Variants in GLRB observed in about 807,000 individuals in gnomAD.
GLRB encodes glycine receptor beta.
Under a neutral mutation model 54.2 loss-of-function variants are expected in GLRB, and 33 were observed. That is an observed-to-expected ratio of 0.61 (90% CI 0.46 to 0.81). The LOEUF is 0.81. Among genes scored for constraint, GLRB ranks in the 40% least tolerant of loss-of-function variants. The pLI is 0.00. For synonymous variants in GLRB, 209 were observed against 208.2 expected (o/e 1.00, Z -0.03); for missense variants, 572 against 584.6 (o/e 0.98, Z 0.22).
chr4:157,095,058 C>T (rs1054410762), intron 2 of GLRB, among the ~76,000 whole-genome samples: 4 of 152,132 alleles, frequency 2.6e-5, no homozygotes, highest in Non-Finnish European at 4.4e-5. Flanking sequence ...TTTGGTCGTG[C>T]TGATCTACAT....
intron 8 of GLRB, among the ~76,000 whole-genome samples, chr4:157,146,671 T>A (rs1736824089): frequency 6.6e-6 from 1 of 151,750 alleles, no homozygotes; most frequent in African/African-American, 2.4e-5. Flanking sequence ...ATGCAAAAAA[T>A]TAGCCAGGCA....
intron 2 of GLRB, among the ~76,000 whole-genome samples, chr4:157,086,188 T>C (rs1190335620): frequency 6.6e-6 from 1 of 152,334 alleles, no homozygotes; most frequent in South Asian, 2.1e-4. Context: ...CTTGCTATTA[T>C]GTATGCTTGG....
intron 2 of GLRB, among the ~76,000 whole-genome samples, chr4:157,092,722 C>T (rs1579189983): frequency 6.6e-6 from 1 of 152,144 alleles, no homozygotes; most frequent in Non-Finnish European, 1.5e-5. Context: ...ATCTGTACTG[C>T]AAGCAGCATC....
chr4:157,167,485 A>G (rs1737754662), intron 9 of GLRB, among the ~76,000 whole-genome samples: 1 of 152,144 alleles, frequency 6.6e-6, no homozygotes, highest in Admixed American at 6.5e-5. Context: ...GTGCACATGC[A>G]TGCATGCCTG....
intron 2 of GLRB, among the ~76,000 whole-genome samples, chr4:157,082,127 G>A (rs553654934): frequency 3.0e-4 from 46 of 152,078 alleles, no homozygotes; most frequent in African/African-American, 1.1e-3. Context: ...TGATTTCTAT[G>A]TCTGTGTATA....
chr4:157,143,812 T>C lies in GLRB; in HGVS notation c.757T>C (p.Tyr253His). Residue 253 changes from tyrosine (Y) to histidine (H), a missense_variant, in exon 8 of 10, where the codon TAC (tyrosine) becomes CAC (histidine). Coordinates refer to ENST00000264428, the MANE Select transcript of GLRB (RefSeq NM_000824.5). ...CTKYYKGTGYYTCVEVIFTLR... is the reference protein window; with the variant it reads ...CTKYYKGTGYHTCVEVIFTLR... ...AATGTGTTTGCTTCTGAAAGGCTAC[T>C]ACACATGCGTGGAAGTCATCTTCAC... The C allele has an allele frequency of 6.2e-7, 1 of 1,613,126 alleles. No homozygotes were observed. Among genetic ancestry groups the C allele is most frequent in the Non-Finnish European group, 8.5e-7 (1 of 1,179,806 alleles).
chr4:157,087,296 A>G (rs750602769), intron 2 of GLRB, among the ~76,000 whole-genome samples: 31 of 152,156 alleles, frequency 2.0e-4, no homozygotes, highest in Non-Finnish European at 2.9e-4. Context: ...ATAATAAGAT[A>G]GCAGAAAGAA....
chr4:157,102,199 T>C (rs749468654), intron 2 of GLRB, among the ~76,000 whole-genome samples: 7 of 152,200 alleles, frequency 4.6e-5, no homozygotes, highest in Non-Finnish European at 8.8e-5. Context: ...AATTTTATTA[T>C]GGCAAGAACA....
At chr4:157,167,867 C>A (rs1737771452) in intron 9 of GLRB, among the ~76,000 whole-genome samples, 1 of 152,100 alleles carries the variant, frequency 6.6e-6, no homozygotes, top group Non-Finnish European at 1.5e-5. Flanking sequence ...GGAAAGCTGG[C>A]ATGTCAGATG....
chr4:157,088,394 C>T (rs1294427880), intron 2 of GLRB, among the ~76,000 whole-genome samples: 1 of 152,054 alleles, frequency 6.6e-6, no homozygotes, highest in South Asian at 2.1e-4. Flanking sequence ...CTTAATGGTA[C>T]AAATGTAGAT....
In GLRB at chr4:157,158,512, G is replaced by A. The variant is rs556623379; in HGVS notation, c.1197+5502G>A. ...CCATCTTGAATTAATTTTTGTATAA[G>A]GTGTAAGGAAGGGATCCAGTTTCAG... On this transcript the variant is annotated intron_variant, in intron 9 of 9. Transcript: ENST00000264428. 1.4e-4 allele frequency among the ~76,000 whole-genome samples: 21 copies of A among 152,298 alleles called. No homozygotes were observed. The South Asian group carries it at 4.1e-3, about 30-fold the overall frequency.
chr4:157,084,688 A>G (rs72978482), intron 2 of GLRB: 20,003 of 456,146 alleles, frequency 0.044, 488 homozygotes, highest in African/African-American at 0.054. Context: ...ATTGAATGAC[A>G]GCATTTTCAT....
chr4:157,097,850 G>A lies in GLRB; in HGVS notation c.122+19704G>A, dbSNP rs565534554. ...AGCCTGGCCACAATGGTGAAACCCC[G>A]TCTCTACTAAAAATACAAAAATTAG... is the stretch of plus-strand genomic sequence containing the variant. On this transcript the variant is annotated intron_variant, in intron 2 of 9. Transcript: ENST00000264428. 2.6e-4 allele frequency among the ~76,000 whole-genome samples: 40 copies of A among 152,106 alleles called. No homozygotes were observed. The South Asian group carries it at 7.1e-3, about 27-fold the overall frequency.
chr4:157,143,635 C>A (rs899052299), intron 7 of GLRB, among the ~76,000 whole-genome samples, 172 bp from the exon 8 acceptor site: 8 of 152,146 alleles, frequency 5.3e-5, no homozygotes, highest in African/African-American at 1.9e-4. Context: ...CATAATGTCA[C>A]CCTTTTAGAT....
rs1737934208 is a variant in GLRB at position 157,171,834 on chromosome 4, A to G, written c.*1106A>G. 6.6e-6 allele frequency: 1 copy of G among 151,846 alleles called. No individual in the cohort carries two copies. 9.4% of individuals were successfully genotyped at this position (151,846 alleles called of 1,614,324 possible). A position where few individuals can be genotyped will look rare whatever the true frequency, so the allele number is the denominator to read the frequency against. ...GTATTTTCTTTCTTGTTAAAAGTCTAGACAACTGAGATTTACTTACTTTGA... is the reference window on the plus strand; with the variant it reads ...GTATTTTCTTTCTTGTTAAAAGTCTGGACAACTGAGATTTACTTACTTTGA... On this transcript the variant is annotated 3_prime_UTR_variant, in exon 10 of 10. Coordinates refer to ENST00000264428, the MANE Select transcript of GLRB (RefSeq NM_000824.5).
chr4:157,153,115 G>A, intron 9 of GLRB, 105 bp downstream of exon 9: 1 of 1,035,836 alleles, frequency 9.7e-7, no homozygotes, highest in Non-Finnish European at 1.5e-6. Context: ...ATTGGCATTT[G>A]CTTGTTTTTC....
chr4:157,129,428 C>G (rs1736131581), intron 4 of GLRB, among the ~76,000 whole-genome samples: 1 of 151,714 alleles, frequency 6.6e-6, no homozygotes, highest in Non-Finnish European at 1.5e-5. Context: ...TCATAAAACA[C>G]TAACCAAAAC....
intron 2 of GLRB, among the ~76,000 whole-genome samples, chr4:157,103,879 T>C (rs1344584783): frequency 1.3e-5 from 2 of 152,104 alleles, no homozygotes; most frequent in African/African-American, 4.8e-5. Context: ...TTGATGTTTT[T>C]ATGTTGTGTC....
At chr4:157,163,051 C>G (rs1464557431) in intron 9 of GLRB, among the ~76,000 whole-genome samples, 1 of 152,192 alleles carries the variant, frequency 6.6e-6, no homozygotes, top group African/African-American at 2.4e-5. Context: ...ACCCCTCCCC[C>G]AGCCTCGCTT....
Sources: gnomAD v4.1 joint callset for allele counts (sites outside exome capture counted in the v4.1 genomes callset) on GRCh38, gnomAD v4.1.1 for gene constraint, MANE v1.5 for transcripts, NCBI Gene and HGNC (gene_info 2026-07-23, HGNC 2026-07-21) for gene names.